Variants in EDNRA observed in about 807,000 individuals in gnomAD.
EDNRA encodes the protein endothelin-1 receptor.
A neutral mutation model predicts 41.4 loss-of-function variants in EDNRA; 11 were observed. The ratio of observed to expected loss-of-function variants is 0.27; its 90% CI spans 0.17 to 0.44. EDNRA has a LOEUF of 0.44. Ranked by LOEUF, EDNRA falls within the 20% of genes least tolerant of loss-of-function variation. The pLI, the probability that EDNRA is intolerant of heterozygous loss-of-function variation, is 1.00. For synonymous variants in EDNRA, 172 were observed against 183.0 expected, an observed-to-expected ratio of 0.94 and a Z score of 0.49; for missense variants, 294 against 531.0, an observed-to-expected ratio of 0.55 and a Z score of 4.39.
rs10305869 is a variant in EDNRA at position 147,486,127 on chromosome 4, G to A, written c.420+26G>A. The A allele has an allele frequency of 6.7e-3, 10,512 of 1,580,364 alleles. 437 individuals are homozygous for A. The African/African-American group carries it at 0.092, about 14-fold the overall frequency. ...GTAGGAAGTAACCACAAATGTATTT[G>A]CAAATTTAAACCCATGCTCTGATTC... On this transcript the variant is annotated intron_variant, in intron 2 of 7. Transcript: ENST00000651419. This position sits in a 1 kb window ranked among gnomAD's most constrained non-coding sequence, Gnocchi z 4.3.
chr4:147,498,451 C>G (rs1729391344), intron 2 of EDNRA, among the ~76,000 whole-genome samples: 1 of 152,126 alleles, frequency 6.6e-6, no homozygotes, highest in Non-Finnish European at 1.5e-5. Flanking sequence ...TCACCCAGGG[C>G]CCAGCAAACT....
At chr4:147,504,957 C>CAAA (rs57911108) in intron 2 of EDNRA, among the ~76,000 whole-genome samples, 7 of 39,034 alleles carry the variant, frequency 1.8e-4, no homozygotes, top group Admixed American at 3.2e-4. Context: ...GACCCTGTCT[C>CAAA]AAAAAAAAAA....
At chr4:147,509,716 G>A (rs986619187) in intron 2 of EDNRA, among the ~76,000 whole-genome samples, 1 of 151,960 alleles carries the variant, frequency 6.6e-6, no homozygotes, top group African/African-American at 2.4e-5. Flanking sequence ...TCTAGATTGT[G>A]CATTCCTTAT....
intron 2 of EDNRA, among the ~76,000 whole-genome samples, chr4:147,503,218 A>G (rs955812329): frequency 5.9e-5 from 9 of 152,202 alleles, no homozygotes; most frequent in Non-Finnish European, 1.0e-4. Flanking sequence ...TGTTGAATTC[A>G]TCATACACAC....
Position 147,542,505 on chromosome 4 carries a change from T to A in EDNRA, c.1171T>A (p.Ser391Thr). Residue 391 changes from serine to threonine, a missense_variant, in exon 8 of 8, where the codon TCC (serine) becomes ACC (threonine). Physicochemically the swap from Ser to Thr is moderately conservative, Grantham distance 58. Around this residue, in one of 3 missense-constraint regions of EDNRA, gnomAD observed 185 missense variants for 390.8 expected, o/e 0.47. Coordinates refer to ENST00000651419, the MANE Select transcript of EDNRA (RefSeq NM_001957.4). ...ATGCCTCTGCTGCTGCTGTTACCAG[T>A]CCAAAAGTCTGATGACCTCGGTCCC... Reference protein sequence around the residue: ...QSCLCCCCYQSKSLMTSVPMN... With the variant: ...QSCLCCCCYQTKSLMTSVPMN... The A allele has an allele frequency of 6.2e-7, 1 of 1,614,098 alleles. No homozygotes were observed. The highest frequency in any genetic ancestry group is 8.5e-7 in the Non-Finnish European group (1 of 1,180,014).
At chr4:147,485,564 T>C in intron 1 of EDNRA, 48 bp from the exon 2 acceptor site, 1 of 1,139,860 alleles carries the variant, frequency 8.8e-7, no homozygotes, top group African/African-American at 1.6e-5. Flanking sequence ...CTATGATCTT[T>C]TTGGCAACTG....
At chr4:147,505,580 G>T (rs1217734097) in intron 2 of EDNRA, among the ~76,000 whole-genome samples, 2 of 148,654 alleles carry the variant, frequency 1.3e-5, no homozygotes, top group Non-Finnish European at 3.0e-5. Context: ...GGCCTCAGGC[G>T]ATCCACCCAC....
chr4:147,538,206 A>G (rs1730978701), intron 5 of EDNRA, among the ~76,000 whole-genome samples: 1 of 152,138 alleles, frequency 6.6e-6, no homozygotes, highest in South Asian at 2.1e-4. Flanking sequence ...AGGAGACTGT[A>G]GCAGCAGCTC....
chr4:147,530,461 A>C (rs1480465058), intron 3 of EDNRA, among the ~76,000 whole-genome samples: 1 of 152,230 alleles, frequency 6.6e-6, no homozygotes, highest in Non-Finnish European at 1.5e-5. Context: ...ATTATATCAT[A>C]AAAGGATTTT....
chr4:147,540,892 G>A (rs1722485992), intron 7 of EDNRA, among the ~76,000 whole-genome samples: 1 of 151,722 alleles, frequency 6.6e-6, no homozygotes, highest in Non-Finnish European at 1.5e-5. Flanking sequence ...GACCATCCTG[G>A]CCAACATGGT....
chr4:147,485,805 G>A lies in EDNRA; in HGVS notation c.124G>A (p.Gly42Ser). 1 of 1,614,202 alleles carries A rather than the reference G, an allele frequency of 6.2e-7. No homozygotes were observed. The highest frequency in any genetic ancestry group is 8.5e-7 in the Non-Finnish European group (1 of 1,180,036). ...NHVDDFTTFR[G>S]TELSFLVTTH... ...TGTGGATGATTTCACCACTTTTCGT[G>A]GCACAGAGCTCAGCTTCCTGGTTAC... is the stretch of plus-strand genomic sequence containing the variant. Residue 42 changes from glycine to serine, a missense_variant, in exon 2 of 8, where the codon GGC (glycine) becomes AGC (serine). Around this residue, in one of 3 missense-constraint regions of EDNRA, gnomAD observed 90 missense variants for 122.8 expected, o/e 0.73. Transcript: ENST00000651419.
At chr4:147,482,760 C>T (rs1052282113) in intron 1 of EDNRA, among the ~76,000 whole-genome samples, 1 of 152,050 alleles carries the variant, frequency 6.6e-6, no homozygotes, top group African/African-American at 2.4e-5. Flanking sequence ...CTTAAGAACC[C>T]ACAGCGTTGG....
At chr4:147,535,786 T>C (rs924820775) in intron 4 of EDNRA, 91 bp from the exon 5 acceptor site, 1 of 1,502,050 alleles carries the variant, frequency 6.7e-7, no homozygotes, top group Non-Finnish European at 9.0e-7. Context: ...TATCTGCAAG[T>C]TTAAAGACCT....
At chr4:147,488,906 T>G (rs1481134732) in intron 2 of EDNRA, 1 of 152,176 alleles carries the variant, frequency 6.6e-6, no homozygotes, top group Non-Finnish European at 1.5e-5. Context: ...CATATCAAGT[T>G]CACTACCTCT....
At chr4:147,505,717 C>T (rs184567258) in intron 2 of EDNRA, among the ~76,000 whole-genome samples, 1 of 141,674 alleles carries the variant, frequency 7.1e-6, no homozygotes, top group Non-Finnish European at 1.5e-5. Flanking sequence ...GGCGCCATCT[C>T]GGCTCACTGC....
intron 4 of EDNRA, 136 bp downstream of exon 4, chr4:147,532,840 A>C: frequency 1.1e-6 from 1 of 870,540 alleles, no homozygotes; most frequent in Non-Finnish European, 1.8e-6. Flanking sequence ...TTGCATGAAA[A>C]GTAGATGTTA....
intron 1 of EDNRA, among the ~76,000 whole-genome samples, chr4:147,482,700 A>G (rs1191055023): frequency 6.6e-6 from 1 of 152,188 alleles, no homozygotes; most frequent in Non-Finnish European, 1.5e-5. Flanking sequence ...TAGTGGTGTC[A>G]TTGTTGGAGG....
intron 2 of EDNRA, among the ~76,000 whole-genome samples, chr4:147,503,724 AAC>A (rs1319780934): frequency 1.3e-5 from 2 of 152,210 alleles, no homozygotes; most frequent in Non-Finnish European, 2.9e-5. Context: ...TCGTCGTCAA[AAC>A]ACAGTATTAA....
chr4:147,504,424 T>C (rs1244583781), intron 2 of EDNRA, among the ~76,000 whole-genome samples: 1 of 152,232 alleles, frequency 6.6e-6, no homozygotes, highest in East Asian at 1.9e-4. Context: ...TGTTGCCTTA[T>C]TTAATTACAT....
Sources: allele counts gnomAD v4.1 joint callset (sites outside exome capture counted in the v4.1 genomes callset), GRCh38; gene constraint gnomAD v4.1.1; regional missense constraint gnomAD v4.1.1; non-coding constraint Gnocchi (gnomAD v3.1); transcripts MANE v1.5; gene names NCBI Gene and HGNC (gene_info 2026-07-23, HGNC 2026-07-21).